The following UGGT2 variants were observed in gnomAD, a reference collection of about 807,000 sequenced individuals.
UGGT2 encodes the protein UDP-glucose glycoprotein glucosyltransferase 2.
In UGGT2, 180 loss-of-function variants were observed where a neutral mutation model predicts 192.1. That is an observed-to-expected ratio of 0.94 (90% confidence interval 0.83 to 1.06). The LOEUF is 1.06. Among genes scored for constraint, UGGT2 ranks in the 50% least tolerant of loss-of-function variants. The pLI, the probability that UGGT2 is intolerant of heterozygous loss-of-function variation, is 0.00. For missense variants in UGGT2, 1,849 were observed against 1,795.7 expected, an observed-to-expected ratio of 1.03 and a Z score of -0.54; for synonymous variants, 580 against 591.0, an observed-to-expected ratio of 0.98 and a Z score of 0.27.
Position 95,801,787 on chromosome 13 carries a change from G to A in UGGT2, c.*3C>T. 6.2e-7 allele frequency: 1 copy of A among 1,613,708 alleles called. No individual in the cohort carries two copies. ...TTCGCCTTCCTTCTCATATACACCA[G>A]TGCTAGAGTTCATCATGTGTCAAAA... On this transcript the variant is annotated 3_prime_UTR_variant, in exon 39 of 39. Transcript: ENST00000376747.
At chr13:95,899,337 GTCTC>G (rs938907361) in intron 22 of UGGT2, among the ~76,000 whole-genome samples, 1 of 152,136 alleles carries the variant, frequency 6.6e-6, no homozygotes, top group Admixed American at 6.6e-5. Context: ...GCTGTTTGTT[GTCTC>G]TCTCTATCCA....
At chr13:95,855,850 G>A (rs1346886205) in intron 34 of UGGT2, among the ~76,000 whole-genome samples, 2 of 152,062 alleles carry the variant, frequency 1.3e-5, no homozygotes, top group Non-Finnish European at 2.9e-5. Context: ...TAATTTACAG[G>A]AATTCATTAA....
chr13:95,843,926 A>T (rs772183458), intron 36 of UGGT2, among the ~76,000 whole-genome samples: 1 of 151,722 alleles, frequency 6.6e-6, no homozygotes, highest in East Asian at 1.9e-4. Flanking sequence ...TTATTTTTCA[A>T]AGTTGTTTTG....
chr13:95,990,417 T>C (rs2140897763), intron 7 of UGGT2: 1 of 153,794 alleles, frequency 6.5e-6, no homozygotes, highest in East Asian at 1.9e-4. Flanking sequence ...CTTGCTTTTA[T>C]AATTGAAAAT....
chr13:95,937,440 A>G (rs1027169537), intron 16 of UGGT2, among the ~76,000 whole-genome samples: 2 of 152,180 alleles, frequency 1.3e-5, no homozygotes, highest in African/African-American at 4.8e-5. Context: ...CAGTGGGTGG[A>G]CTTGCTGATT....
intron 21 of UGGT2, 141 bp downstream of exon 21, chr13:95,902,713 C>A (rs2048143209): frequency 2.4e-6 from 2 of 820,522 alleles, no homozygotes; most frequent in Admixed American, 2.9e-5. Flanking sequence ...TAATGTTTAT[C>A]TTTTCCCATT....
chr13:95,843,860 C>A (rs917168754), intron 36 of UGGT2, among the ~76,000 whole-genome samples: 1 of 152,136 alleles, frequency 6.6e-6, no homozygotes, highest in African/African-American at 2.4e-5. Context: ...ACTATTTTGA[C>A]TACAGTAGCT....
chr13:95,938,820 A>G (rs2049557587), intron 16 of UGGT2, among the ~76,000 whole-genome samples: 1 of 152,044 alleles, frequency 6.6e-6, no homozygotes, highest in South Asian at 2.1e-4. Flanking sequence ...GTACTTCCTA[A>G]ATAATTCAAA....
intron 15 of UGGT2, among the ~76,000 whole-genome samples, chr13:95,944,125 T>C (rs1566736897): frequency 6.6e-6 from 1 of 152,034 alleles, no homozygotes; most frequent in African/African-American, 2.4e-5. Flanking sequence ...TTACTTTTTA[T>C]ATACCTGCTG....
chr13:95,812,824 C>T (rs1884646394), intron 38 of UGGT2, among the ~76,000 whole-genome samples: 1 of 152,064 alleles, frequency 6.6e-6, no homozygotes, highest in South Asian at 2.1e-4. Flanking sequence ...ACCTTCGCTA[C>T]CAGTAAAAGC....
chr13:95,950,949 A>G (rs1440047270), intron 12 of UGGT2, among the ~76,000 whole-genome samples: 1 of 152,178 alleles, frequency 6.6e-6, no homozygotes, highest in Non-Finnish European at 1.5e-5. Context: ...AAGATCTAGC[A>G]TATAGGTAAC....
intron 17 of UGGT2, among the ~76,000 whole-genome samples, chr13:95,935,073 A>C (rs750378214): frequency 1.3e-5 from 2 of 151,486 alleles, no homozygotes; most frequent in Non-Finnish European, 2.9e-5. Context: ...TTTTGTTTGC[A>C]TGATAATTCT....
intron 2 of UGGT2, among the ~76,000 whole-genome samples, chr13:96,027,405 T>C (rs1323563273): frequency 6.6e-6 from 1 of 152,200 alleles, no homozygotes; most frequent in African/African-American, 2.4e-5. Context: ...AATGGATGCA[T>C]TGGGCTATTT....
At chr13:95,898,386 C>T (rs959572510) in intron 22 of UGGT2, among the ~76,000 whole-genome samples, 1 of 152,120 alleles carries the variant, frequency 6.6e-6, no homozygotes, top group Non-Finnish European at 1.5e-5. Context: ...CTCTTCCTAC[C>T]TGCTATTCTT....
rs2053024364 is a variant in UGGT2, at chr13:96,037,016, T to A, written c.159-5045A>T. On this transcript the variant is annotated intron_variant, in intron 1 of 38. Transcript: ENST00000376747. The stretch of plus-strand genomic sequence containing the variant: ...ATATGGCTCAAAATAAGTGTATTTC[T>A]TCAAAAAATTCTACCCAGAGAAAAC... Among the ~76,000 whole-genome samples, 4 of 152,216 alleles carry A rather than the reference T, an allele frequency of 2.6e-5. No individual in the cohort carries two copies. The South Asian group carries it at 8.3e-4, about 32-fold the overall frequency.
At chr13:95,870,629 T>C (rs376908030) in intron 29 of UGGT2, among the ~76,000 whole-genome samples, 61 of 152,336 alleles carry the variant, frequency 4.0e-4, no homozygotes, top group Middle Eastern at 3.4e-3. Flanking sequence ...TCTCAAGCAT[T>C]CCTAGGATCC....
At chr13:95,878,574 C>G (rs2047407101) in intron 27 of UGGT2, among the ~76,000 whole-genome samples, 1 of 152,038 alleles carries the variant, frequency 6.6e-6, no homozygotes, top group Non-Finnish European at 1.5e-5. Flanking sequence ...TAAATATTTT[C>G]AAGATAAAGC....
chr13:95,959,418 G>A (rs550007232), intron 12 of UGGT2, among the ~76,000 whole-genome samples: 50 of 152,180 alleles, frequency 3.3e-4, no homozygotes, highest in African/African-American at 1.1e-3. Flanking sequence ...GGATCATCCC[G>A]CTCCCCTGCT....
At chr13:96,029,445 C>T (rs1039909004) in intron 2 of UGGT2, among the ~76,000 whole-genome samples, 2 of 151,948 alleles carry the variant, frequency 1.3e-5, no homozygotes, top group African/African-American at 2.4e-5. Flanking sequence ...ACCACCACGC[C>T]CAGCTAATTT....
Sources: allele counts gnomAD v4.1 joint callset (sites outside exome capture counted in the v4.1 genomes callset), GRCh38; gene constraint gnomAD v4.1.1; transcripts MANE v1.5; gene names NCBI Gene and HGNC (gene_info 2026-07-23, HGNC 2026-07-21).